The following SLC22A3 variants were observed in gnomAD, a reference collection of about 807,000 sequenced individuals.
The protein encoded by SLC22A3 is EMT organic cation transporter 3.
SLC22A3 carries 51 observed loss-of-function variants against 59.1 expected under a neutral mutation model. The observed-to-expected ratio is 0.86, with a 90% CI of 0.69 to 1.09. The LOEUF (loss-of-function observed/expected upper bound fraction) is 1.09, where lower values mean the gene tolerates loss of function less well. Ranked by LOEUF, SLC22A3 falls within the 50% of genes least tolerant of loss-of-function variation. The pLI is 0.00. For synonymous variants in SLC22A3, 325 were observed against 292.0 expected, an observed-to-expected ratio of 1.11 and a Z score of -1.15; for missense variants, 711 against 726.3, an observed-to-expected ratio of 0.98 and a Z score of 0.24.
intron 5 of SLC22A3, among the ~76,000 whole-genome samples, chr6:160,420,788 CA>C (rs901043649): frequency 6.6e-6 from 1 of 152,224 alleles, no homozygotes; most frequent in African/African-American, 2.4e-5. Flanking sequence ...TTGCAGGCGT[CA>C]CAAGTCCTCC....
chr6:160,361,167 GC>G, intron 1 of SLC22A3, among the ~76,000 whole-genome samples: 2 of 152,316 alleles, frequency 1.3e-5, no homozygotes, highest in South Asian at 4.1e-4. Context: ...TGGATTGTTG[GC>G]TAACTGATGT....
At chr6:160,448,419 T>C (rs922684140) in intron 10 of SLC22A3, among the ~76,000 whole-genome samples, 1 of 152,044 alleles carries the variant, frequency 6.6e-6, no homozygotes, top group South Asian at 2.1e-4. Context: ...AGATAAGTGA[T>C]AGTAGATAAA....
intron 7 of SLC22A3, among the ~76,000 whole-genome samples, chr6:160,441,113 G>T (rs996895944): frequency 2.6e-5 from 4 of 152,076 alleles, no homozygotes; most frequent in Admixed American, 2.0e-4. Flanking sequence ...TACAATGGAA[G>T]AACCCAACCT....
chr6:160,353,002 G>A (rs1045793387), intron 1 of SLC22A3, among the ~76,000 whole-genome samples: 2 of 152,166 alleles, frequency 1.3e-5, no homozygotes, highest in African/African-American at 4.8e-5. Flanking sequence ...TGTATTTTTA[G>A]TAGAGACAGG....
rs692878 is a variant in SLC22A3, at chr6:160,363,123, C to T, written c.429+14275C>T. On this transcript the variant is annotated intron_variant, in intron 1 of 10. Transcript: ENST00000275300. The stretch of plus-strand genomic sequence containing the variant: ...TTGCCGAGGGGCAGAAAGAGAGGGT[C>T]TCAGCCTAAGCCAGGTGGAAGGTCC... Among the ~76,000 whole-genome samples the T allele has an allele frequency of 3.0e-3, 453 of 152,332 alleles. 17 individuals are homozygous for T. In the East Asian group the frequency reaches 0.073, roughly 25 times the overall value.
chr6:160,437,580 C>T (rs1219628890), intron 7 of SLC22A3, among the ~76,000 whole-genome samples: 4 of 152,202 alleles, frequency 2.6e-5, no homozygotes, highest in Non-Finnish European at 5.9e-5. Flanking sequence ...TGAGGTTACA[C>T]ATAGAAGAAC....
chr6:160,404,145 ACAGATGT>A (rs1411915622), intron 2 of SLC22A3, among the ~76,000 whole-genome samples: 1 of 151,982 alleles, frequency 6.6e-6, no homozygotes, highest in Non-Finnish European at 1.5e-5. Context: ...GTCTTTGTTC[ACAGATGT>A]CATGATTGTC....
chr6:160,369,481 C>T (rs1785322911), intron 1 of SLC22A3, among the ~76,000 whole-genome samples: 1 of 152,128 alleles, frequency 6.6e-6, no homozygotes, highest in Non-Finnish European at 1.5e-5. Flanking sequence ...TTTTCATCTC[C>T]ATTTTTTAAT....
chr6:160,377,162 G>A (rs1015665987), intron 1 of SLC22A3, among the ~76,000 whole-genome samples: 1 of 152,182 alleles, frequency 6.6e-6, no homozygotes, highest in Non-Finnish European at 1.5e-5. Context: ...TGCAGCCTTT[G>A]TCAAATAATT....
chr6:160,432,216 A>C lies in SLC22A3; in HGVS notation c.976-4564A>C, dbSNP rs368523329. 5.5e-4 allele frequency among the ~76,000 whole-genome samples: 84 copies of C among 152,258 alleles called. 1 individual carries two copies. The South Asian group carries it at 0.016, about 30-fold the overall frequency. ...TTGGGTCACGTGCCCAGTCACTGAC[A>C]TGGAGGATACGATTTCCCTAAACTA... On this transcript the variant is annotated intron_variant, in intron 5 of 10. Transcript: ENST00000275300.
Position 160,408,850 on chromosome 6 carries a change from C to G in SLC22A3, c.786C>G (p.Tyr262Ter). Residue 262 changes from tyrosine (Y) to a stop codon, truncating the protein, a stop_gained, in exon 4 of 11, where the codon TAC (tyrosine) becomes TAG (stop). Coordinates refer to ENST00000275300, the MANE Select transcript of SLC22A3 (RefSeq NM_021977.4). LOFTEE classifies it high-confidence loss of function. ...TCATAATTCTCCCTGGAATTGCCTA[C>G]TTCATCCCCAACTGGCAAGGAATCC... ...LGIIILPGIA[Y>*]FIPNWQGIQL... 1 of 1,613,790 alleles carries G rather than the reference C, an allele frequency of 6.2e-7. No individual in the cohort carries two copies. Among genetic ancestry groups the G allele is most frequent in the Non-Finnish European group, 8.5e-7 (1 of 1,179,820 alleles).
intron 1 of SLC22A3, among the ~76,000 whole-genome samples, chr6:160,387,780 G>A (rs1362096172): frequency 1.3e-5 from 2 of 152,170 alleles, no homozygotes; most frequent in South Asian, 2.1e-4. Flanking sequence ...CAAAAATCCA[G>A]AAATGTGCTC....
chr6:160,442,476 A>C (rs1464417875), intron 7 of SLC22A3, among the ~76,000 whole-genome samples: 1 of 152,202 alleles, frequency 6.6e-6, no homozygotes. Flanking sequence ...GCCTGGAACA[A>C]TGTTCCAATG....
intron 5 of SLC22A3, chr6:160,426,134 G>A: frequency 1.0e-6 from 1 of 985,356 alleles, no homozygotes; most frequent in Non-Finnish European, 1.2e-6. Flanking sequence ...ATTTTGAGGT[G>A]CATCTAAACT....
At position 160,353,785 on chromosome 6, in the gene SLC22A3, C is replaced by G. The variant is rs79063865; in HGVS notation, c.429+4937C>G. The stretch of plus-strand genomic sequence containing the variant: ...ACATCTAGGGCCCTTTTCAGATGGT[C>G]CATGGACCACACAGAGAGACAAGCT... On this transcript the variant is annotated intron_variant, in intron 1 of 10. Transcript: ENST00000275300. Among the ~76,000 whole-genome samples the G allele has an allele frequency of 7.8e-3, 1,187 of 152,006 alleles. 11 individuals carry two copies. The highest frequency in any genetic ancestry group is 7.3e-3 in the Admixed American group (112 of 15,274).
At chr6:160,349,128 G>A (rs980943028) in intron 1 of SLC22A3, 6 of 942,082 alleles carry the variant, frequency 6.4e-6, no homozygotes, top group African/African-American at 5.3e-5. Context: ...AGTTGTAAAC[G>A]CCTGGCGCAC....
intron 2 of SLC22A3, among the ~76,000 whole-genome samples, chr6:160,402,655 CAT>C (rs1786832168): frequency 6.6e-6 from 1 of 151,588 alleles, no homozygotes; most frequent in Non-Finnish European, 1.5e-5. Context: ...GGCCATAAAA[CAT>C]ATATTAGCAA....
At chr6:160,354,570 G>C (rs556434957) in intron 1 of SLC22A3, among the ~76,000 whole-genome samples, 37 of 152,330 alleles carry the variant, frequency 2.4e-4, no homozygotes, top group Non-Finnish European at 3.4e-4. Context: ...GCCAGTTGTG[G>C]TGGTTCATGC....
chr6:160,429,113 T>G (rs1158455812), intron 5 of SLC22A3, among the ~76,000 whole-genome samples: 1 of 152,232 alleles, frequency 6.6e-6, no homozygotes, highest in Admixed American at 6.5e-5. Flanking sequence ...TGCTTGTCTG[T>G]AAGACCAATG....
Sources: allele counts gnomAD v4.1 joint callset (sites outside exome capture counted in the v4.1 genomes callset), GRCh38; gene constraint gnomAD v4.1.1; transcripts MANE v1.5; gene names NCBI Gene and HGNC (gene_info 2026-07-23, HGNC 2026-07-21).